Variants in DAB1 observed in about 807,000 individuals in gnomAD.
DAB1 encodes disabled homolog 1.
DAB1 carries 15 observed loss-of-function variants against 64.6 expected under a neutral mutation model. That is an observed-to-expected ratio of 0.23 (90% CI 0.16 to 0.36). DAB1 has a LOEUF of 0.36. DAB1 is among the 10% of genes least tolerant of loss of function. The pLI is 1.00. For synonymous variants in DAB1, 235 were observed against 251.9 expected (o/e 0.93, Z 0.64); for missense variants, 596 against 706.7 (o/e 0.84, Z 1.78).
At chr1:57,738,939 C>T (rs1407554924) in intron 6 of DAB1, among the ~76,000 whole-genome samples, 1 of 152,160 alleles carries the variant, frequency 6.6e-6, no homozygotes, top group South Asian at 2.1e-4. Context: ...GAGGAGAATG[C>T]CCTAAATGGT....
chr1:57,527,472 A>G (rs1218652742), intron 7 of DAB1, among the ~76,000 whole-genome samples: 1 of 152,204 alleles, frequency 6.6e-6, no homozygotes, highest in East Asian at 1.9e-4. Flanking sequence ...TAGATAAGCC[A>G]AATCACTTCC....
intron 7 of DAB1, among the ~76,000 whole-genome samples, chr1:57,437,035 C>A (rs1370741763): frequency 0.014 from 1,485 of 108,720 alleles, no homozygotes; most frequent in Non-Finnish European, 0.015. Context: ...GACTCCGTCT[C>A]AAAAAAAAAA....
intron 7 of DAB1, among the ~76,000 whole-genome samples, chr1:57,550,462 C>G (rs960237070): frequency 1.6e-4 from 25 of 152,230 alleles, no homozygotes; most frequent in African/African-American, 6.0e-4. Flanking sequence ...ATACACTCCC[C>G]TCTACTGAGT....
chr1:57,028,147 CAT>C (rs1646851354), intron 9 of DAB1, among the ~76,000 whole-genome samples: 2 of 152,254 alleles, frequency 1.3e-5, no homozygotes, highest in East Asian at 3.9e-4. Context: ...AGAATTCCCA[CAT>C]GTTGTGGGAG....
At chr1:58,218,280 C>G (rs970463031) in intron 4 of DAB1, among the ~76,000 whole-genome samples, 1 of 152,128 alleles carries the variant, frequency 6.6e-6, no homozygotes, top group African/African-American at 2.4e-5. Flanking sequence ...ACTCCTGGAA[C>G]TGGGATGAGG....
intron 4 of DAB1, among the ~76,000 whole-genome samples, chr1:58,339,512 C>T (rs1663200678): frequency 6.6e-6 from 1 of 151,950 alleles, no homozygotes; most frequent in Non-Finnish European, 1.5e-5. Context: ...AGGGGAGTTC[C>T]AGAGGATAGT....
At chr1:57,377,296 G>GAAAAAA (rs1016345937) in intron 1 of DAB1, among the ~76,000 whole-genome samples, 1 of 150,460 alleles carries the variant, frequency 6.6e-6, no homozygotes, top group Non-Finnish European at 1.5e-5. Context: ...GAAAAGAAAA[G>GAAAAAA]GCAGGCCACT....
intron 5 of DAB1, among the ~76,000 whole-genome samples, chr1:58,063,806 A>G (rs190456900): frequency 4.4e-4 from 67 of 152,280 alleles, no homozygotes; most frequent in Non-Finnish European, 7.4e-4. Context: ...AGCCCAAGCC[A>G]ATTGCCATTT....
chr1:57,243,933 G>C (rs1668680190), intron 2 of DAB1, among the ~76,000 whole-genome samples: 1 of 151,820 alleles, frequency 6.6e-6, no homozygotes, highest in Non-Finnish European at 1.5e-5. Context: ...TTCCTCCCAG[G>C]GACCTTCCAC....
At chr1:58,529,733 A>G (rs1646403895) in intron 1 of DAB1, among the ~76,000 whole-genome samples, 1 of 152,224 alleles carries the variant, frequency 6.6e-6, no homozygotes, top group Non-Finnish European at 1.5e-5. Flanking sequence ...TATCTACGAA[A>G]AAACAATTTA....
chr1:58,030,521 C>T (rs748677276), intron 5 of DAB1, among the ~76,000 whole-genome samples: 9 of 152,140 alleles, frequency 5.9e-5, no homozygotes, highest in Admixed American at 5.2e-4. Context: ...TTCATCTAAC[C>T]GGTCACTGAT....
chr1:57,647,337 C>T (rs1646204519), intron 7 of DAB1, among the ~76,000 whole-genome samples: 2 of 152,192 alleles, frequency 1.3e-5, no homozygotes, highest in Non-Finnish European at 2.9e-5. Flanking sequence ...AATGATGTGT[C>T]TCCATTTCAA....
intron 7 of DAB1, among the ~76,000 whole-genome samples, chr1:57,574,771 G>A (rs912220277): frequency 7.9e-5 from 12 of 152,284 alleles, no homozygotes; most frequent in African/African-American, 2.6e-4. Flanking sequence ...CTATTGGGTA[G>A]TGCCCACTGG....
chr1:57,388,570 TC>T (rs1682081753), intron 1 of DAB1, among the ~76,000 whole-genome samples: 1 of 152,172 alleles, frequency 6.6e-6, no homozygotes, highest in African/African-American at 2.4e-5. Context: ...CCTGGGCCTC[TC>T]CACCTTCTGC....
At chr1:57,672,259 T>A (rs1428820552) in intron 6 of DAB1, among the ~76,000 whole-genome samples, 1 of 152,190 alleles carries the variant, frequency 6.6e-6, no homozygotes, top group Non-Finnish European at 1.5e-5. Flanking sequence ...GTAGTTGAAT[T>A]AGGTTATTAT....
At chr1:57,979,431 G>A (rs1198912897) in intron 5 of DAB1, among the ~76,000 whole-genome samples, 1 of 152,166 alleles carries the variant, frequency 6.6e-6, no homozygotes, top group African/African-American at 2.4e-5. Context: ...GGGGCTAGGG[G>A]AGGGATAACA....
intron 4 of DAB1, among the ~76,000 whole-genome samples, chr1:58,322,572 T>C (rs966475638): frequency 3.3e-5 from 5 of 150,216 alleles, no homozygotes; most frequent in African/African-American, 7.6e-5. Context: ...ATGGCGATCA[T>C]TAAAAAGTCA....
At chr1:57,717,821 A>G (rs1647102428) in intron 6 of DAB1, among the ~76,000 whole-genome samples, 1 of 152,162 alleles carries the variant, frequency 6.6e-6, no homozygotes, top group Non-Finnish European at 1.5e-5. Flanking sequence ...GGCAATGTAG[A>G]TGAACCTGGA....
intron 4 of DAB1, among the ~76,000 whole-genome samples, chr1:58,186,521 C>CT (rs753143290): frequency 3.3e-5 from 5 of 152,118 alleles, no homozygotes; most frequent in East Asian, 3.9e-4. Context: ...TGTTCAATAA[C>CT]TTTTTTTTCT....
Sources: allele counts gnomAD v4.1 joint callset (sites outside exome capture counted in the v4.1 genomes callset), GRCh38; gene constraint gnomAD v4.1.1; transcripts MANE v1.5; gene names NCBI Gene and HGNC (gene_info 2026-07-23, HGNC 2026-07-21).